The following PDE4D variants were observed in gnomAD, a reference collection of about 807,000 sequenced individuals.
PDE4D encodes phosphodiesterase 4D.
Under a neutral mutation model 87.4 loss-of-function variants are expected in PDE4D, and 24 were observed. The observed-to-expected ratio is 0.27, with a 90% CI of 0.20 to 0.39. PDE4D has a LOEUF of 0.39. Among genes scored for constraint, PDE4D ranks in the 10% least tolerant of loss-of-function variants. PDE4D has a pLI of 1.00. For synonymous variants in PDE4D, 384 were observed against 383.2 expected (o/e 1.00, Z -0.02); for missense variants, 714 against 1,041.0 (o/e 0.69, Z 4.32).
Position 59,649,905 on chromosome 5 carries a change from C to CTTTTTTTTTTTTTTTTT in PDE4D, c.455+243246_455+243262dup, listed in dbSNP as rs1156467369. On this transcript the variant is annotated intron_variant, in intron 1 of 14. Coordinates refer to ENST00000340635, the MANE Select transcript of PDE4D (RefSeq NM_001104631.2). ...GTTAAAATGTTGATAGTTTGTGAAC[C>CTTTTTTTTTTTTTTTTT]TTTTTTTTTTTTTTTTTTTTTTTTT... Among the ~76,000 whole-genome samples, 128 of 72,434 alleles carry CTTTTTTTTTTTTTTTTT rather than the reference C, an allele frequency of 1.8e-3. 4 individuals carry two copies. The highest frequency in any genetic ancestry group is 7.7e-3 in the Middle Eastern group (1 of 130). The allele number at this position is 72,434 out of a possible 152,430, so 47.5% of individuals were successfully genotyped here.
rs973946076 is a variant in PDE4D, at chr5:60,393,474, A to G, written c.-90+94468T>C. On this transcript the variant is annotated intron_variant, in intron 1 of 16. Transcript: ENST00000502484. ...GAAGAACCTTCAAGTTTTATGAAAA[A>G]GAACTCTATAAGTAGCCTACTACAA... 2.6e-5 allele frequency among the ~76,000 whole-genome samples: 4 copies of G among 152,280 alleles called. No individual in the cohort carries two copies. The East Asian group carries it at 7.7e-4, about 29-fold the overall frequency.
intron 1 of PDE4D, among the ~76,000 whole-genome samples, chr5:59,609,399 C>CACACAT (rs1291122998): frequency 6.6e-6 from 1 of 151,130 alleles, no homozygotes; most frequent in Non-Finnish European, 1.5e-5. Context: ...CACACACACA[C>CACACAT]ATATATATAT....
At chr5:59,572,336 A>G (rs1821980862) in intron 1 of PDE4D, among the ~76,000 whole-genome samples, 1 of 152,170 alleles carries the variant, frequency 6.6e-6, no homozygotes, top group African/African-American at 2.4e-5. Context: ...GGCAAGACAT[A>G]CCATTTTTTA....
At chr5:59,517,843 A>T (rs1490571728) in intron 1 of PDE4D, among the ~76,000 whole-genome samples, 1 of 152,230 alleles carries the variant, frequency 6.6e-6, no homozygotes. Context: ...CATTACAGGC[A>T]ATCTAAGTTG....
At chr5:59,056,615 C>G (rs756884182) in intron 5 of PDE4D, among the ~76,000 whole-genome samples, 1 of 151,936 alleles carries the variant, frequency 6.6e-6, no homozygotes, top group Non-Finnish European at 1.5e-5. Context: ...CCAACCCCCA[C>G]CAGGCCCCAG....
chr5:60,128,866 C>T lies in PDE4D; in HGVS notation c.42+56691G>A, dbSNP rs114968263. ...AAACCAAATAGCAGTTAATTTGCTA[C>T]GATGCATTTTCTTAAATCTGAATGG... On this transcript the variant is annotated intron_variant, in intron 2 of 16. Transcript: ENST00000502484. 3.8e-3 allele frequency among the ~76,000 whole-genome samples: 575 copies of T among 152,278 alleles called. 5 individuals are homozygous for T. Among genetic ancestry groups the T allele is most frequent in the African/African-American group, 0.013 (541 of 41,570 alleles).
intron 2 of PDE4D, among the ~76,000 whole-genome samples, chr5:60,155,410 T>A (rs1285816739): frequency 6.6e-6 from 1 of 152,220 alleles, no homozygotes; most frequent in African/African-American, 2.4e-5. Flanking sequence ...CTTGTTTAAG[T>A]CTTTTGCTCA....
chr5:59,645,091 A>T (rs1016581121), intron 1 of PDE4D, among the ~76,000 whole-genome samples: 1 of 152,238 alleles, frequency 6.6e-6, no homozygotes, highest in Non-Finnish European at 1.5e-5. Flanking sequence ...AACTTCTAAG[A>T]AATACCCCTT....
chr5:59,136,971 A>C (rs1169570442), intron 5 of PDE4D, among the ~76,000 whole-genome samples: 1 of 152,178 alleles, frequency 6.6e-6, no homozygotes, highest in Non-Finnish European at 1.5e-5. Context: ...TTAGCACTGA[A>C]TGCCCCACAT....
At chr5:59,253,318 A>T (rs1268550569) in intron 1 of PDE4D, among the ~76,000 whole-genome samples, 4 of 152,168 alleles carry the variant, frequency 2.6e-5, no homozygotes, top group Admixed American at 2.0e-4. Flanking sequence ...TATGATTAAC[A>T]TATCTTTATA....
intron 1 of PDE4D, among the ~76,000 whole-genome samples, chr5:60,234,288 T>A (rs1221268997): frequency 6.6e-6 from 1 of 151,838 alleles, no homozygotes; most frequent in Non-Finnish European, 1.5e-5. Context: ...TATTTCTTTT[T>A]ATTTCTCAAT....
intron 6 of PDE4D, among the ~76,000 whole-genome samples, chr5:59,000,629 G>A (rs1366188350): frequency 1.3e-5 from 2 of 152,146 alleles, no homozygotes; most frequent in African/African-American, 2.4e-5. Flanking sequence ...CACTGTGTAT[G>A]CATAAGGAAT....
intron 1 of PDE4D, among the ~76,000 whole-genome samples, chr5:60,219,824 C>G (rs2149593447): frequency 6.6e-6 from 1 of 152,308 alleles, no homozygotes; most frequent in East Asian, 1.9e-4. Flanking sequence ...GTCTGTGTCA[C>G]TGGTCCATGA....
intron 1 of PDE4D, among the ~76,000 whole-genome samples, chr5:60,381,586 A>G (rs1398582632): frequency 6.6e-6 from 1 of 152,206 alleles, no homozygotes; most frequent in African/African-American, 2.4e-5. Flanking sequence ...TTCCAAGGCC[A>G]GGTGATTCAG....
In PDE4D at chr5:58,973,788, T is replaced by TAAAG. The variant is rs3839217; in HGVS notation, c.*872_*875dup. 24,477 of 152,450 alleles carry TAAAG rather than the reference T, an allele frequency of 0.16. 2,067 individuals carry two copies. The highest frequency in any genetic ancestry group is 0.19 in the Admixed American group (2,898 of 15,272). 9.4% of individuals were successfully genotyped at this position (152,450 alleles called of 1,614,324 possible). A position where few individuals can be genotyped will look rare whatever the true frequency, so the allele number is the denominator to read the frequency against. ...GTGAAACAAAATGCAAAGTAAATAA[T>TAAAG]AAAGACTTACAAAAAGGGTTTCCTG... On this transcript the variant is annotated 3_prime_UTR_variant, in exon 15 of 15. Transcript: ENST00000340635.
chr5:59,840,273 G>A (rs1035552309), intron 1 of PDE4D, among the ~76,000 whole-genome samples: 3 of 138,846 alleles, frequency 2.2e-5, no homozygotes, highest in African/African-American at 8.5e-5. Context: ...CACATCCCTT[G>A]TCACTCTCCT....
At chr5:59,476,722 C>T (rs1474376652) in intron 1 of PDE4D, among the ~76,000 whole-genome samples, 5 of 152,152 alleles carry the variant, frequency 3.3e-5, no homozygotes, top group East Asian at 1.9e-4. Context: ...TGGAAAACTG[C>T]ATTGCATGTG....
intron 1 of PDE4D, among the ~76,000 whole-genome samples, chr5:60,508,969 G>A (rs930544310): frequency 6.0e-5 from 9 of 150,898 alleles, no homozygotes; most frequent in East Asian, 3.9e-4. Context: ...GCATGATCTC[G>A]GTTCACTGCA....
At chr5:59,752,771 T>C (rs1416002137) in intron 1 of PDE4D, among the ~76,000 whole-genome samples, 1 of 152,112 alleles carries the variant, frequency 6.6e-6, no homozygotes, top group Non-Finnish European at 1.5e-5. Flanking sequence ...TCTGCTGAGG[T>C]TGAGCAACCC....
Sources: gnomAD v4.1 joint callset for allele counts (sites outside exome capture counted in the v4.1 genomes callset) on GRCh38, gnomAD v4.1.1 for gene constraint, MANE v1.5 for transcripts, NCBI Gene and HGNC (gene_info 2026-07-23, HGNC 2026-07-21) for gene names.